KCNIP1: variants seen among roughly 807,000 people sequenced by gnomAD.
The protein encoded by KCNIP1 is potassium voltage-gated channel interacting protein 1, also known as A-type potassium channel modulatory protein KCNIP1.
KCNIP1 carries 18 observed loss-of-function variants against 33.0 expected under a neutral mutation model. The ratio of observed to expected loss-of-function variants is 0.55; its 90% CI spans 0.38 to 0.81. The LOEUF (loss-of-function observed/expected upper bound fraction) is 0.81. Among genes scored for constraint, KCNIP1 ranks in the 30% least tolerant of loss-of-function variants. The pLI is 0.00. For synonymous variants in KCNIP1, 93 were observed against 98.3 expected, an observed-to-expected ratio of 0.95 and a Z score of 0.32; for missense variants, 238 against 271.6, an observed-to-expected ratio of 0.88 and a Z score of 0.87.
Position 170,504,328 on chromosome 5 carries a change from C to T in KCNIP1, c.-245C>T. On this transcript the variant is annotated 5_prime_UTR_variant, in exon 1 of 8. Transcript: ENST00000328939. The surrounding 1 kb of genome is among the most constrained non-coding windows in gnomAD (Gnocchi z 6.0). ...GGAACCGCCGGGCCGGGTCCTCGCG[C>T]GGGGAAGCGGTTCCGAAGGCTCGCG... is the stretch of plus-strand genomic sequence containing the variant. 1 of 1,372,464 alleles carries T rather than the reference C, an allele frequency of 7.3e-7. No homozygotes were observed. The highest frequency in any genetic ancestry group is 9.4e-7 in the Non-Finnish European group (1 of 1,067,972). The allele number at this position is 1,372,464 out of a possible 1,614,324, so 85.0% of individuals were successfully genotyped here. A position where few individuals can be genotyped will look rare whatever the true frequency, so the allele number is the denominator to read the frequency against.
At chr5:170,431,911 C>T (rs1755750836) in intron 1 of KCNIP1, among the ~76,000 whole-genome samples, 1 of 152,232 alleles carries the variant, frequency 6.6e-6, no homozygotes, top group Non-Finnish European at 1.5e-5. Flanking sequence ...TCCCCCAGGA[C>T]ATTCCACTCT....
At chr5:170,521,839 G>A (rs1242427408) in intron 1 of KCNIP1, among the ~76,000 whole-genome samples, 1 of 152,206 alleles carries the variant, frequency 6.6e-6, no homozygotes, top group Admixed American at 6.5e-5. Flanking sequence ...CTGAAACATA[G>A]AATTGTTTTT....
At chr5:170,398,576 A>G (rs1581153106) in intron 1 of KCNIP1, among the ~76,000 whole-genome samples, 1 of 152,320 alleles carries the variant, frequency 6.6e-6, no homozygotes, top group East Asian at 1.9e-4. Flanking sequence ...ACAGTCCTTT[A>G]TATGTTCATT....
In KCNIP1 at chr5:170,484,094, C is replaced by A. The variant is rs115548514; in HGVS notation, c.88+130130C>A. The A allele has an allele frequency of 8.5e-3, 1,297 of 152,638 alleles. 8 individuals carry two copies. Among genetic ancestry groups the A allele is most frequent in the Middle Eastern group, 0.037 (11 of 294 alleles). The allele number at this position is 152,638 out of a possible 1,614,324, so 9.5% of individuals were successfully genotyped here. On this transcript the variant is annotated intron_variant, in intron 1 of 7. Transcript: ENST00000377360. ...GCACTCACATCATGCCATCCCCCCA[C>A]AGAGCATCCCGCTGGCCATCTGCAT...
chr5:170,615,567 G>A (rs993411755), intron 1 of KCNIP1, among the ~76,000 whole-genome samples: 7 of 152,032 alleles, frequency 4.6e-5, no homozygotes, highest in Admixed American at 4.6e-4. Context: ...TCCTTGCAGG[G>A]AGAATCCCAG....
chr5:170,627,319 C>T (rs1178144633), intron 1 of KCNIP1, among the ~76,000 whole-genome samples: 3 of 152,230 alleles, frequency 2.0e-5, no homozygotes, highest in Admixed American at 2.0e-4. Context: ...GTTCCCTCTG[C>T]ATCTTGGGCT....
At chr5:170,563,681 C>T (rs1471278718) in intron 1 of KCNIP1, among the ~76,000 whole-genome samples, 3 of 152,032 alleles carry the variant, frequency 2.0e-5, no homozygotes, top group Non-Finnish European at 4.4e-5. Context: ...ACTCTTGTTG[C>T]CCAGGCTGGA....
At chr5:170,568,192 T>G (rs112374314) in intron 1 of KCNIP1, among the ~76,000 whole-genome samples, 5 of 152,306 alleles carry the variant, frequency 3.3e-5, no homozygotes, top group African/African-American at 1.2e-4. Flanking sequence ...GGAACATAAT[T>G]CCCTCATTAG....
At position 170,670,214 on chromosome 5, in the gene KCNIP1, T is replaced by C. The variant is rs201857569; in HGVS notation, c.62-48544T>C. Among the ~76,000 whole-genome samples, 3 of 152,294 alleles carry C rather than the reference T, an allele frequency of 2.0e-5. No individual in the cohort carries two copies. The East Asian group carries it at 5.8e-4, about 29-fold the overall frequency. ...TAATATTTTCTTAGTGAATATTTGT[T>C]GGATGAATGCATGGATGGGTGGATG... is the stretch of plus-strand genomic sequence containing the variant. On this transcript the variant is annotated intron_variant, in intron 1 of 7. Coordinates refer to ENST00000328939, the MANE Select transcript of KCNIP1 (RefSeq NM_014592.4).
intron 1 of KCNIP1, among the ~76,000 whole-genome samples, chr5:170,604,808 G>T (rs1581388296): frequency 1.3e-5 from 2 of 152,220 alleles, no homozygotes; most frequent in Admixed American, 6.5e-5. Flanking sequence ...ACCCAAGACA[G>T]GTTCAGCCCC....
chr5:170,490,765 C>T (rs191667838), intron 1 of KCNIP1, among the ~76,000 whole-genome samples: 1 of 152,292 alleles, frequency 6.6e-6, no homozygotes, highest in East Asian at 1.9e-4. Flanking sequence ...GTAATCTGGC[C>T]TCTGTCTCCT....
chr5:170,667,057 T>A (rs1003236177), intron 1 of KCNIP1, among the ~76,000 whole-genome samples: 1 of 152,238 alleles, frequency 6.6e-6, no homozygotes, highest in Non-Finnish European at 1.5e-5. Context: ...CTCACGCCTA[T>A]AATCCCAACA....
chr5:170,412,053 A>T (rs6885191), intron 1 of KCNIP1, among the ~76,000 whole-genome samples: 1 of 152,082 alleles, frequency 6.6e-6, no homozygotes, highest in Non-Finnish European at 1.5e-5. Flanking sequence ...GTGACGGTGC[A>T]TGCTGGCTGA....
chr5:170,482,764 A>C (rs1187504554), intron 1 of KCNIP1, among the ~76,000 whole-genome samples: 2 of 152,168 alleles, frequency 1.3e-5, no homozygotes, highest in African/African-American at 4.8e-5. Flanking sequence ...TGTCTGAGAG[A>C]GGTTTTTATT....
At chr5:170,440,223 G>A (rs951878828) in intron 1 of KCNIP1, among the ~76,000 whole-genome samples, 5 of 152,178 alleles carry the variant, frequency 3.3e-5, no homozygotes, top group Admixed American at 1.3e-4. Context: ...TCAGACTTCC[G>A]GGCTCCAGCA....
intron 1 of KCNIP1, among the ~76,000 whole-genome samples, chr5:170,632,782 T>A (rs562113582): frequency 1.3e-5 from 2 of 152,350 alleles, no homozygotes; most frequent in African/African-American, 4.8e-5. Context: ...ACCAGCTGTG[T>A]GACCTCAGGC....
At chr5:170,356,728 C>T (rs142622636) in intron 1 of KCNIP1, among the ~76,000 whole-genome samples, 60 of 152,336 alleles carry the variant, frequency 3.9e-4, no homozygotes, top group Admixed American at 6.5e-4. Context: ...TAGCATGGGG[C>T]CCAGAATGGA....
At chr5:170,726,073 G>A (rs1301745194) in intron 5 of KCNIP1, among the ~76,000 whole-genome samples, 1 of 152,102 alleles carries the variant, frequency 6.6e-6, no homozygotes, top group Non-Finnish European at 1.5e-5. Context: ...AGTAGGAAAG[G>A]ATAAGGAATC....
At chr5:170,472,657 C>T (rs1438726607) in intron 1 of KCNIP1, among the ~76,000 whole-genome samples, 8 of 143,880 alleles carry the variant, frequency 5.6e-5, no homozygotes, top group Admixed American at 1.4e-4. Flanking sequence ...TTAGCTCCCA[C>T]ACATCAGTGA....
Sources: gnomAD v4.1 joint callset for allele counts (sites outside exome capture counted in the v4.1 genomes callset) on GRCh38, gnomAD v4.1.1 for gene constraint, Gnocchi (gnomAD v3.1) non-coding constraint, MANE v1.5 for transcripts, NCBI Gene and HGNC (gene_info 2026-07-23, HGNC 2026-07-21) for gene names.